Variants in HS3ST5 observed in about 807,000 individuals in gnomAD.
HS3ST5 encodes heparan sulfate glucosamine 3-O-sulfotransferase 5.
In HS3ST5, 10 loss-of-function variants were observed where a neutral mutation model predicts 25.4. The observed-to-expected ratio is 0.39, with a 90% CI of 0.24 to 0.67. The LOEUF (loss-of-function observed/expected upper bound fraction) is 0.67, where lower values mean the gene tolerates loss of function less well. Ranked by LOEUF, HS3ST5 falls within the 30% of genes least tolerant of loss-of-function variation. HS3ST5 has a pLI of 0.44. For missense variants in HS3ST5, 324 were observed against 420.7 expected (o/e 0.77, Z 2.01); for synonymous variants, 170 against 162.4 (o/e 1.05, Z -0.36).
chr6:114,076,027 A>G (rs988788453), intron 3 of HS3ST5, among the ~76,000 whole-genome samples: 2 of 152,168 alleles, frequency 1.3e-5, no homozygotes, highest in African/African-American at 2.4e-5. Context: ...CCCCCAGAAG[A>G]AAGGGTTTCA....
At chr6:114,329,359 G>C (rs1403945584) in intron 1 of HS3ST5, among the ~76,000 whole-genome samples, 1 of 152,128 alleles carries the variant, frequency 6.6e-6, no homozygotes, top group African/African-American at 2.4e-5. Flanking sequence ...AACTGATTCT[G>C]GTATGAACCT....
intron 1 of HS3ST5, among the ~76,000 whole-genome samples, chr6:114,294,984 A>G (rs1211260048): frequency 6.6e-6 from 1 of 152,216 alleles, no homozygotes; most frequent in Non-Finnish European, 1.5e-5. Context: ...CATTAATATT[A>G]TTACATAAGG....
chr6:114,190,029 G>A (rs1455602498), intron 2 of HS3ST5, among the ~76,000 whole-genome samples: 1 of 152,170 alleles, frequency 6.6e-6, no homozygotes, highest in African/African-American at 2.4e-5. Context: ...TAAGTCCAGT[G>A]AGGAAGAAAG....
chr6:114,154,985 C>T (rs1190221911), intron 3 of HS3ST5, among the ~76,000 whole-genome samples: 1 of 152,172 alleles, frequency 6.6e-6, no homozygotes, highest in Non-Finnish European at 1.5e-5. Context: ...CCTCCACCAC[C>T]CCACCCCCAG....
At chr6:114,109,638 C>A (rs1776167930) in intron 3 of HS3ST5, among the ~76,000 whole-genome samples, 1 of 152,138 alleles carries the variant, frequency 6.6e-6, no homozygotes, top group African/African-American at 2.4e-5. Context: ...CCTCATCGCT[C>A]TCCTTTCTGG....
chr6:114,301,053 A>T (rs756248806), intron 1 of HS3ST5, among the ~76,000 whole-genome samples: 8 of 152,140 alleles, frequency 5.3e-5, no homozygotes, highest in Admixed American at 1.3e-4. Context: ...TACTGAGGGG[A>T]TGAAGAAAAT....
At chr6:114,178,033 C>G (rs1436966828) in intron 2 of HS3ST5, among the ~76,000 whole-genome samples, 5 of 152,126 alleles carry the variant, frequency 3.3e-5, no homozygotes, top group Non-Finnish European at 5.9e-5. Context: ...ATCAAAATTG[C>G]TTATTCATTG....
chr6:114,297,450 T>C (rs1262817070), intron 1 of HS3ST5, among the ~76,000 whole-genome samples: 1 of 152,008 alleles, frequency 6.6e-6, no homozygotes, highest in Non-Finnish European at 1.5e-5. Context: ...AGGAACAAGA[T>C]TGGGAAACTG....
intron 3 of HS3ST5, among the ~76,000 whole-genome samples, chr6:114,148,672 G>C (rs1778292244): frequency 6.6e-6 from 1 of 151,990 alleles, no homozygotes; most frequent in Admixed American, 6.6e-5. Context: ...TACCATTCAG[G>C]ACATAGGGAT....
intron 1 of HS3ST5, among the ~76,000 whole-genome samples, chr6:114,297,944 T>C (rs1262129358): frequency 6.6e-6 from 1 of 152,230 alleles, no homozygotes; most frequent in East Asian, 1.9e-4. Context: ...TTCCTATAAA[T>C]GGAATTAATA....
intron 1 of HS3ST5, among the ~76,000 whole-genome samples, chr6:114,255,161 G>A (rs1017968647): frequency 1.6e-4 from 25 of 152,176 alleles, no homozygotes; most frequent in Non-Finnish European, 3.2e-4. Context: ...TTTTAAATGG[G>A]AGAAATTGGC....
intron 1 of HS3ST5, among the ~76,000 whole-genome samples, chr6:114,321,213 A>G (rs1189003757): frequency 3.9e-5 from 6 of 152,154 alleles, no homozygotes; most frequent in African/African-American, 1.4e-4. Flanking sequence ...GATTAAAAAT[A>G]TAAAAATACC....
At chr6:114,320,712 C>T (rs150810952) in intron 1 of HS3ST5, among the ~76,000 whole-genome samples, 1 of 152,150 alleles carries the variant, frequency 6.6e-6, no homozygotes, top group Non-Finnish European at 1.5e-5. Flanking sequence ...CTTAACCAAA[C>T]AGCTTTATTT....
chr6:114,170,693 C>T (rs1349851841), intron 2 of HS3ST5, among the ~76,000 whole-genome samples: 1 of 151,982 alleles, frequency 6.6e-6, no homozygotes, highest in African/African-American at 2.4e-5. Flanking sequence ...AAATTTAGTC[C>T]TTCATTTAAG....
At chr6:114,267,978 T>C (rs1351733543) in intron 1 of HS3ST5, among the ~76,000 whole-genome samples, 1 of 152,214 alleles carries the variant, frequency 6.6e-6, no homozygotes, top group African/African-American at 2.4e-5. Context: ...TTATCATCTT[T>C]CCCTGTGTAC....
At chr6:114,247,154 TCTAA>T (rs1221490150) in intron 1 of HS3ST5, among the ~76,000 whole-genome samples, 2 of 152,250 alleles carry the variant, frequency 1.3e-5, no homozygotes, top group Non-Finnish European at 2.9e-5. Flanking sequence ...TTCTTATCTT[TCTAA>T]CTATCCTTCT....
chr6:114,240,009 T>TACAC (rs149926688), intron 1 of HS3ST5, among the ~76,000 whole-genome samples: 52,967 of 148,768 alleles, frequency 0.36, 9,204 homozygotes, highest in African/African-American at 0.39. Context: ...AGCACACACA[T>TACAC]ACACACACAC....
chr6:114,260,705 C>T (rs377277358), intron 1 of HS3ST5, among the ~76,000 whole-genome samples: 35 of 151,434 alleles, frequency 2.3e-4, no homozygotes, highest in Admixed American at 3.3e-4. Flanking sequence ...CCATCCTCTA[C>T]GCTAAATGCT....
chr6:114,158,885 A>T (rs73536682), intron 3 of HS3ST5, among the ~76,000 whole-genome samples: 2,585 of 152,320 alleles, frequency 0.017, 72 homozygotes, highest in African/African-American at 0.06. Flanking sequence ...TCAATGCTGT[A>T]ATTTCATTTA....
Sources: allele counts gnomAD v4.1 joint callset (sites outside exome capture counted in the v4.1 genomes callset), GRCh38; gene constraint gnomAD v4.1.1; transcripts MANE v1.5; gene names NCBI Gene and HGNC (gene_info 2026-07-23, HGNC 2026-07-21).